ENTPD5: variants seen among roughly 807,000 people sequenced by gnomAD.
ENTPD5 encodes nucleoside diphosphate phosphatase ENTPD5.
ENTPD5 carries 49 observed loss-of-function variants against 60.2 expected under a neutral mutation model. The ratio of observed to expected loss-of-function variants is 0.81; its 90% CI spans 0.65 to 1.03. The LOEUF (loss-of-function observed/expected upper bound fraction) is 1.03. ENTPD5 is among the 50% of genes least tolerant of loss of function. The probability of loss-of-function intolerance (pLI) is 0.00; values close to 1 mark genes in which losing one functional copy is unlikely to be tolerated. For synonymous variants in ENTPD5, 187 were observed against 185.4 expected (o/e 1.01, Z -0.07); for missense variants, 480 against 507.6 (o/e 0.95, Z 0.52).
intron 3 of ENTPD5, among the ~76,000 whole-genome samples, chr14:74,001,593 G>A (rs1423163632): frequency 6.8e-6 from 1 of 146,988 alleles, no homozygotes; most frequent in Non-Finnish European, 1.5e-5. Flanking sequence ...GCTTGAACCT[G>A]GGAGGCGGAG....
chr14:73,961,977 T>TG (rs1343353782), downstream of ENTPD5: 2 of 1,555,592 alleles, frequency 1.3e-6, no homozygotes, highest in Non-Finnish European at 1.8e-6. Flanking sequence ...AACAGAGTCT[T>TG]GGTCTTATCG....
chr14:74,008,296 C>A (rs2058741558), intron 3 of ENTPD5, among the ~76,000 whole-genome samples: 1 of 152,158 alleles, frequency 6.6e-6, no homozygotes, highest in Non-Finnish European at 1.5e-5. Flanking sequence ...AGGGTCTTTG[C>A]TCCAAATCTG....
intron 3 of ENTPD5, among the ~76,000 whole-genome samples, chr14:74,008,393 CTT>C (rs986672970): frequency 2.8e-5 from 4 of 143,268 alleles, no homozygotes; most frequent in Non-Finnish European, 1.5e-5. Flanking sequence ...TTTCTTTTTT[CTT>C]TTTTTTTTTT....
intron 6 of ENTPD5, among the ~76,000 whole-genome samples, chr14:73,980,386 T>C (rs2057634091): frequency 6.6e-6 from 1 of 151,024 alleles, no homozygotes; most frequent in Non-Finnish European, 1.5e-5. Flanking sequence ...TGCCTTAGCC[T>C]CCTGAGTAGT....
rs752164597 is a variant in ENTPD5 at position 73,969,977 on chromosome 14, G to A, written c.1200+33C>T. The stretch of plus-strand genomic sequence containing the variant: ...TCCTTCTCAACCCCCACAAAAGAGG[G>A]CTGTTATGAGACTCTGGTGTCCTGT... On this transcript the variant is annotated intron_variant, in intron 15 of 15. Coordinates refer to ENST00000334696, the MANE Select transcript of ENTPD5 (RefSeq NM_001249.5). 11 of 1,424,432 alleles carry A rather than the reference G, an allele frequency of 7.7e-6. No homozygotes were observed. The African/African-American group carries it at 1.5e-4, about 20-fold the overall frequency. 88.2% of individuals were successfully genotyped at this position (1,424,432 alleles called of 1,614,324 possible). A position where few individuals can be genotyped will look rare whatever the true frequency, so the allele number is the denominator to read the frequency against.
downstream of ENTPD5, chr14:73,959,508 G>T (rs201706177): frequency 7.4e-6 from 12 of 1,614,006 alleles, no homozygotes; most frequent in Non-Finnish European, 1.0e-5. Flanking sequence ...TGTGGATGCC[G>T]TTAACTCTGC....
downstream of ENTPD5, chr14:73,955,639 G>T: frequency 7.4e-7 from 1 of 1,345,566 alleles, no homozygotes; most frequent in South Asian, 1.2e-5. Flanking sequence ...CGAGGAAGTG[G>T]GGAGAAGCAT....
chr14:73,982,552 C>T (rs1185475385), intron 6 of ENTPD5, among the ~76,000 whole-genome samples: 2 of 151,758 alleles, frequency 1.3e-5, no homozygotes, highest in African/African-American at 2.4e-5. Context: ...GTCAGGAGAT[C>T]GAGACCATCC....
downstream of ENTPD5, chr14:73,958,577 G>T: frequency 7.7e-7 from 1 of 1,294,736 alleles, no homozygotes; most frequent in East Asian, 3.9e-5. Flanking sequence ...TGTGGTCATT[G>T]ATCTCTTGCC....
chr14:73,992,746 T>A (rs2058186820), intron 3 of ENTPD5, among the ~76,000 whole-genome samples: 3 of 150,592 alleles, frequency 2.0e-5, no homozygotes, highest in Non-Finnish European at 4.4e-5. Flanking sequence ...CGCACGCCTA[T>A]CATCTCAGCA....
intron 3 of ENTPD5, among the ~76,000 whole-genome samples, chr14:73,989,748 T>C (rs2058056725): frequency 6.7e-6 from 1 of 148,192 alleles, no homozygotes; most frequent in South Asian, 2.1e-4. Context: ...CAGGAGAATC[T>C]CTTGAACCCG....
chr14:73,970,889 G>A (rs1017950662), intron 14 of ENTPD5, among the ~76,000 whole-genome samples: 2 of 149,610 alleles, frequency 1.3e-5, no homozygotes, highest in Non-Finnish European at 3.0e-5. Flanking sequence ...GCAGTGGCAT[G>A]ATCACAGCTC....
chr14:74,016,689 C>G (rs2059026096), intron 1 of ENTPD5, among the ~76,000 whole-genome samples: 1 of 152,142 alleles, frequency 6.6e-6, no homozygotes, highest in Non-Finnish European at 1.5e-5. Context: ...AGTACTATAA[C>G]TAAGGTACTA....
At chr14:73,956,023 C>A, downstream of ENTPD5, 1 of 1,568,020 alleles carries the variant, frequency 6.4e-7, no homozygotes, top group Non-Finnish European at 8.7e-7. Flanking sequence ...TCAGTGTCCA[C>A]CATAAAGAAA....
Position 73,974,914 on chromosome 14 carries a change from C to A in ENTPD5, c.784+10G>T. 2 of 1,610,960 alleles carry A rather than the reference C, an allele frequency of 1.2e-6. No homozygotes were observed. Among genetic ancestry groups the A allele is most frequent in the Non-Finnish European group, 8.5e-7 (1 of 1,177,378 alleles). Reference sequence around the variant, plus strand: ...CACCATCCCCCCCCAGCACAGGTACCCAGACAAACCTTCTGTCTCCAGGGC... The same window carrying A: ...CACCATCCCCCCCCAGCACAGGTACACAGACAAACCTTCTGTCTCCAGGGC... On this transcript the variant is annotated intron_variant, in intron 11 of 15. Coordinates refer to ENST00000334696, the MANE Select transcript of ENTPD5 (RefSeq NM_001249.5).
intron 6 of ENTPD5, among the ~76,000 whole-genome samples, chr14:73,979,955 T>C (rs1448506593): frequency 2.0e-5 from 3 of 151,000 alleles, no homozygotes; most frequent in Non-Finnish European, 3.0e-5. Flanking sequence ...TTTTTTTTTT[T>C]TTTTTTTTGA....
At chr14:74,010,611 A>T (rs11159057) in intron 3 of ENTPD5, among the ~76,000 whole-genome samples, 80,808 of 151,700 alleles carry the variant, frequency 0.53, 22,388 homozygotes, top group East Asian at 0.89. Flanking sequence ...CTACAGGGAA[A>T]ACCACTTTTA....
chr14:73,974,017 T>G lies in ENTPD5; in HGVS notation c.785-39A>C, dbSNP rs7152184. ...GGGCACAAGGTAAGAGGTAAGTAAG[T>G]GAGAGAGAGGGAGGAAGGCAAGCAA... On this transcript the variant is annotated intron_variant, in intron 11 of 15. Transcript: ENST00000334696. 1.1e-3 allele frequency: 1,793 copies of G among 1,569,790 alleles called. 16 individuals carry two copies. The African/African-American group carries it at 0.021, about 19-fold the overall frequency.
intron 4 of ENTPD5, chr14:73,987,105 A>C (rs1185660304): frequency 2.8e-6 from 2 of 703,510 alleles, no homozygotes; most frequent in South Asian, 3.0e-5. Flanking sequence ...TCTCTGGTGG[A>C]CACCTAACTC....
Sources: allele counts gnomAD v4.1 joint callset (sites outside exome capture counted in the v4.1 genomes callset), GRCh38; gene constraint gnomAD v4.1.1; transcripts MANE v1.5; gene names NCBI Gene and HGNC (gene_info 2026-07-23, HGNC 2026-07-21).